Variants in NR6A1 observed in about 807,000 individuals in gnomAD.
NR6A1 encodes retinoic acid receptor-related testis-associated receptor.
Under a neutral mutation model 59.1 loss-of-function variants are expected in NR6A1, and 7 were observed. The observed-to-expected ratio is 0.12, with a 90% CI of 0.07 to 0.22. The LOEUF (loss-of-function observed/expected upper bound fraction) is 0.22. Among genes scored for constraint, NR6A1 ranks in the 10% least tolerant of loss-of-function variants. The pLI is 1.00. For synonymous variants in NR6A1, 243 were observed against 236.1 expected (o/e 1.03, Z -0.27); for missense variants, 468 against 611.6 (o/e 0.77, Z 2.48).
intron 2 of NR6A1, among the ~76,000 whole-genome samples, chr9:124,639,706 G>A (rs148583742): frequency 2.0e-4 from 30 of 152,260 alleles, no homozygotes; most frequent in South Asian, 1.2e-3. Flanking sequence ...CAAGGAGGAG[G>A]GCAAATGGAT....
intron 2 of NR6A1, among the ~76,000 whole-genome samples, chr9:124,719,572 G>A (rs924374168): frequency 4.6e-5 from 7 of 152,050 alleles, no homozygotes; most frequent in Admixed American, 3.3e-4. Flanking sequence ...AACGTAAATG[G>A]GTAAAGGAGG....
chr9:124,648,871 T>C (rs949373564), intron 2 of NR6A1, among the ~76,000 whole-genome samples: 1 of 151,398 alleles, frequency 6.6e-6, no homozygotes, highest in African/African-American at 2.4e-5. Flanking sequence ...AAATAAAAAA[T>C]AAAATACCTA....
chr9:124,746,745 CCT>C (rs1223162709), intron 1 of NR6A1, among the ~76,000 whole-genome samples: 3 of 152,108 alleles, frequency 2.0e-5, no homozygotes, highest in Admixed American at 2.0e-4. Flanking sequence ...AGAAAAAACT[CCT>C]TTTTTTTAGA....
intron 1 of NR6A1, among the ~76,000 whole-genome samples, chr9:124,747,611 CAT>C (rs1840372299): frequency 6.6e-6 from 1 of 152,162 alleles, no homozygotes. Context: ...TCAATTTCAA[CAT>C]GTCAAACTGA....
intron 2 of NR6A1, chr9:124,595,815 C>G (rs1192072146): frequency 3.1e-6 from 4 of 1,289,768 alleles, no homozygotes; most frequent in South Asian, 1.2e-5. Flanking sequence ...CATGAAGAAA[C>G]AGAGATTACA....
chr9:124,766,588 G>A lies in NR6A1; in HGVS notation c.100+4432C>T, dbSNP rs572944655. Among the ~76,000 whole-genome samples the A allele has an allele frequency of 1.1e-3, 164 of 152,168 alleles. 1 individual carries two copies. In the Middle Eastern group the frequency reaches 0.014, roughly 13 times the overall value. On this transcript the variant is annotated intron_variant, in intron 1 of 9. Coordinates refer to ENST00000487099, the MANE Select transcript of NR6A1 (RefSeq NM_033334.4). The stretch of plus-strand genomic sequence containing the variant: ...CTGTCCTACTTAAAAAAAACAGACT[G>A]ACCCAACAATGTAAAATTTACTCTA...
chr9:124,557,757 G>A (rs1306163248), intron 2 of NR6A1, among the ~76,000 whole-genome samples: 1 of 152,192 alleles, frequency 6.6e-6, no homozygotes, highest in African/African-American at 2.4e-5. Flanking sequence ...ATGGAACACT[G>A]TTGGGAAACC....
intron 2 of NR6A1, among the ~76,000 whole-genome samples, chr9:124,678,334 T>G (rs1341076230): frequency 6.6e-6 from 1 of 152,188 alleles, no homozygotes; most frequent in East Asian, 1.9e-4. Context: ...GTCTGAATAA[T>G]GTACATATCA....
chr9:124,557,228 C>T lies in NR6A1; in HGVS notation c.143-2658G>A, dbSNP rs148755625. On this transcript the variant is annotated intron_variant, in intron 2 of 9. Coordinates refer to ENST00000487099, the MANE Select transcript of NR6A1 (RefSeq NM_033334.4). The stretch of plus-strand genomic sequence containing the variant: ...ACTGCAACCTCTGCCTCCCAGGTCC[C>T]GGTTCAAGTAATGATCCTGCCTCAG... Among the ~76,000 whole-genome samples, 266 of 152,026 alleles carry T rather than the reference C, an allele frequency of 1.7e-3. 1 individual carries two copies. Among genetic ancestry groups the T allele is most frequent in the Non-Finnish European group, 2.2e-3 (150 of 67,954 alleles).
At chr9:124,567,079 G>A (rs547338538) in intron 2 of NR6A1, among the ~76,000 whole-genome samples, 53 of 151,472 alleles carry the variant, frequency 3.5e-4, no homozygotes, top group African/African-American at 1.2e-3. Flanking sequence ...CTGCACTCCA[G>A]CCTGGGCGAC....
At chr9:124,550,454 G>A (rs566788473) in intron 3 of NR6A1, among the ~76,000 whole-genome samples, 9 of 139,616 alleles carry the variant, frequency 6.4e-5, no homozygotes, top group Admixed American at 1.6e-4. Flanking sequence ...TGCAACCTCC[G>A]TCTCCCAGGT....
chr9:124,534,917 G>A (rs1273936824), intron 7 of NR6A1, among the ~76,000 whole-genome samples: 2 of 152,172 alleles, frequency 1.3e-5, no homozygotes, highest in Admixed American at 6.5e-5. Context: ...GAGGTCGGGA[G>A]GCCGAGACTA....
intron 2 of NR6A1, among the ~76,000 whole-genome samples, chr9:124,609,487 T>C (rs1302081964): frequency 6.6e-6 from 1 of 152,234 alleles, no homozygotes; most frequent in African/African-American, 2.4e-5. Context: ...TTTGTACCAG[T>C]ACCATGCTGT....
At chr9:124,562,574 C>A (rs576933329) in intron 2 of NR6A1, among the ~76,000 whole-genome samples, 2 of 152,250 alleles carry the variant, frequency 1.3e-5, no homozygotes, top group Admixed American at 1.3e-4. Context: ...GGACTACAGG[C>A]ATGCGCAACT....
chr9:124,544,758 G>GA (rs1234873130), intron 3 of NR6A1, among the ~76,000 whole-genome samples: 3 of 152,180 alleles, frequency 2.0e-5, no homozygotes, highest in Non-Finnish European at 4.4e-5. Flanking sequence ...GATAAGGGTG[G>GA]AAAGGCCAAT....
intron 1 of NR6A1, among the ~76,000 whole-genome samples, chr9:124,747,341 T>C (rs181653880): frequency 6.6e-6 from 1 of 152,158 alleles, no homozygotes; most frequent in East Asian, 1.9e-4. Context: ...ACTACAATCA[T>C]GTGCCACCAC....
intron 2 of NR6A1, among the ~76,000 whole-genome samples, chr9:124,715,263 C>T (rs1839383500): frequency 6.6e-6 from 1 of 151,944 alleles, no homozygotes; most frequent in African/African-American, 2.4e-5. Context: ...TGGCTCACAC[C>T]TGTAAACTCA....
chr9:124,678,523 C>T (rs1460288801), intron 2 of NR6A1, among the ~76,000 whole-genome samples: 1 of 152,184 alleles, frequency 6.6e-6, no homozygotes, highest in Non-Finnish European at 1.5e-5. Flanking sequence ...AATGCAACAA[C>T]CACCACCTTA....
intron 2 of NR6A1, among the ~76,000 whole-genome samples, chr9:124,648,597 TA>T (rs1420833763): frequency 2.0e-5 from 3 of 151,604 alleles, no homozygotes; most frequent in Admixed American, 2.0e-4. Flanking sequence ...CCAGAGCAAT[TA>T]AAATTAGACA....
Sources: gnomAD v4.1 joint callset for allele counts (sites outside exome capture counted in the v4.1 genomes callset) on GRCh38, gnomAD v4.1.1 for gene constraint, MANE v1.5 for transcripts, NCBI Gene and HGNC (gene_info 2026-07-23, HGNC 2026-07-21) for gene names.